Variants in CTBP2 observed in about 807,000 individuals in gnomAD.
CTBP2 encodes the protein C-terminal binding protein 2.
CTBP2 carries 30 observed loss-of-function variants against 80.3 expected under a neutral mutation model. That is an observed-to-expected ratio of 0.37 (90% confidence interval 0.28 to 0.51). The LOEUF (loss-of-function observed/expected upper bound fraction) is 0.51, where lower values mean the gene tolerates loss of function less well. Ranked by LOEUF, CTBP2 falls within the 20% of genes least tolerant of loss-of-function variation. The pLI is 0.93. For missense variants in CTBP2, 1,212 were observed against 1,375.3 expected (o/e 0.88, Z 1.88); for synonymous variants, 594 against 587.4 (o/e 1.01, Z -0.16).
chr10:124,993,069 C>T, intron 7 of CTBP2, 133 bp downstream of exon 9: 2 of 1,142,424 alleles, frequency 1.8e-6, no homozygotes, highest in Non-Finnish European at 2.4e-6. Context: ...ATAAACAGGG[C>T]CCAACTCATA....
intron 1 of CTBP2, chr10:125,025,986 G>GT: frequency 6.8e-7 from 1 of 1,462,106 alleles, no homozygotes; most frequent in Non-Finnish European, 9.2e-7. Flanking sequence ...GGCCTGGTGA[G>GT]TGAGGACTTG....
At chr10:125,135,619 A>G (rs1856856743) in intron 1 of CTBP2, among the ~76,000 whole-genome samples, 1 of 152,162 alleles carries the variant, frequency 6.6e-6, no homozygotes, top group Admixed American at 6.5e-5. Context: ...CCCAGCAGCT[A>G]GCCCTCCTCT....
intron 2 of CTBP2, among the ~76,000 whole-genome samples, chr10:125,068,211 C>T (rs1333522671): frequency 6.6e-6 from 1 of 152,188 alleles, no homozygotes; most frequent in East Asian, 1.9e-4. Flanking sequence ...TCCTGATCTG[C>T]GAAGGACACG....
intron 2 of CTBP2, among the ~76,000 whole-genome samples, chr10:125,081,944 T>C (rs1847234374): frequency 6.6e-6 from 1 of 151,620 alleles, no homozygotes; most frequent in Non-Finnish European, 1.5e-5. Flanking sequence ...ACCCTGTCTC[T>C]ACCCAGGCTC....
intron 1 of CTBP2, among the ~76,000 whole-genome samples, chr10:125,128,957 T>C (rs987787875): frequency 6.6e-6 from 1 of 152,224 alleles, no homozygotes; most frequent in African/African-American, 2.4e-5. Context: ...AGTGGAATAC[T>C]ACTCAGAAGT....
intron 2 of CTBP2, among the ~76,000 whole-genome samples, chr10:125,092,914 TGG>T (rs139587093): frequency 6.7e-6 from 1 of 149,826 alleles, no homozygotes; most frequent in Non-Finnish European, 1.5e-5. Context: ...CCTTCTAGAG[TGG>T]GGGGGGGCAG....
chr10:125,145,485 C>A (rs1435491696), intron 1 of CTBP2, among the ~76,000 whole-genome samples: 1 of 152,198 alleles, frequency 6.6e-6, no homozygotes, highest in South Asian at 2.1e-4. Context: ...TATCTGCTGT[C>A]CCTTGGGGCA....
intron 1 of CTBP2, chr10:125,006,145 C>A: frequency 2.0e-6 from 1 of 492,034 alleles, no homozygotes; most frequent in Non-Finnish European, 3.0e-6. Context: ...CTCTACCCTC[C>A]CTGATGGCCG....
chr10:125,033,378 C>T lies in CTBP2; in HGVS notation c.58+5619G>A, dbSNP rs142220482. On this transcript the variant is annotated intron_variant, in intron 3 of 10. Transcript: ENST00000337195. Reference sequence around the variant, plus strand: ...ACAGAGACAGAGGAACGCCCTCGAGCGCGCACGCCAAGGTGCCTGAGCTTT... The same window carrying T: ...ACAGAGACAGAGGAACGCCCTCGAGTGCGCACGCCAAGGTGCCTGAGCTTT... 4.4e-3 allele frequency among the ~76,000 whole-genome samples: 670 copies of T among 152,298 alleles called. 1 individual carries two copies. Among genetic ancestry groups the T allele is most frequent in the Admixed American group, 6.0e-3 (92 of 15,306 alleles).
intron 3 of CTBP2, chr10:125,000,575 G>A (rs1368252268): frequency 3.3e-5 from 5 of 152,260 alleles, no homozygotes; most frequent in African/African-American, 7.2e-5. Context: ...TTCCCGGCTC[G>A]TGGGGAGAAG....
intron 1 of CTBP2, among the ~76,000 whole-genome samples, chr10:125,123,143 G>A (rs891897351): frequency 4.6e-5 from 7 of 152,196 alleles, no homozygotes; most frequent in Admixed American, 2.0e-4. Flanking sequence ...GGTCAGCTGT[G>A]TCTACCCATG....
At chr10:125,154,612 C>T (rs141014115) in intron 1 of CTBP2, among the ~76,000 whole-genome samples, 2 of 151,832 alleles carry the variant, frequency 1.3e-5, no homozygotes, top group Non-Finnish European at 2.9e-5. Flanking sequence ...TAGGCATATA[C>T]ACATGCAAAC....
rs1026419650 is a variant in CTBP2, at chr10:124,987,881, AAAG to A, written c.*1634_*1636del. On this transcript the variant is annotated 3_prime_UTR_variant, in exon 9 of 9. Transcript: ENST00000309035. Reference sequence around the variant, plus strand: ...AGTATAAAGGTTTAATTCTATTTAAAAAGAAGATCCATTAAATCAAGCTCTTAA... The same window carrying A: ...AGTATAAAGGTTTAATTCTATTTAAAAAGATCCATTAAATCAAGCTCTTAA... 2.6e-5 allele frequency: 4 copies of A among 152,402 alleles called. No individual in the cohort carries two copies. The highest frequency in any genetic ancestry group is 3.8e-4 in the East Asian group (2 of 5,196). The allele number at this position is 152,402 out of a possible 1,614,324, so 9.4% of individuals were successfully genotyped here.
chr10:125,151,639 G>A (rs930330367), intron 1 of CTBP2, among the ~76,000 whole-genome samples: 1 of 152,208 alleles, frequency 6.6e-6, no homozygotes, highest in East Asian at 1.9e-4. Flanking sequence ...GAGTCCCCAT[G>A]AGTGCCCGGA....
intron 1 of CTBP2, among the ~76,000 whole-genome samples, chr10:125,116,136 C>G (rs547854514): frequency 6.6e-6 from 1 of 152,270 alleles, no homozygotes; most frequent in African/African-American, 2.4e-5. Flanking sequence ...GGAGGGGCCA[C>G]CGACTCCAGG....
At chr10:125,154,642 G>A (rs754952350) in intron 1 of CTBP2, among the ~76,000 whole-genome samples, 20 of 82,772 alleles carry the variant, frequency 2.4e-4, no homozygotes, top group Admixed American at 6.7e-4. Flanking sequence ...TTCTCACCGA[G>A]TGTCGTTGCT....
chr10:125,147,176 A>G (rs1226338630), intron 1 of CTBP2, among the ~76,000 whole-genome samples: 1 of 152,192 alleles, frequency 6.6e-6, no homozygotes, highest in African/African-American at 2.4e-5. Context: ...CTTTTCCTCA[A>G]CAAATATGCT....
chr10:125,066,698 G>T lies in CTBP2; in HGVS notation c.-101-27543C>A, dbSNP rs1261123693. Among the ~76,000 whole-genome samples the T allele has an allele frequency of 1.3e-5, 2 of 152,160 alleles. No individual in the cohort carries two copies. Among genetic ancestry groups the T allele is most frequent in the African/African-American group, 4.8e-5 (2 of 41,426 alleles). On this transcript the variant is annotated intron_variant, in intron 2 of 10. Coordinates refer to the CTBP2 transcript ENST00000337195. This position sits in a 1 kb window ranked among gnomAD's most constrained non-coding sequence, Gnocchi z 4.1. ...GTCCTGCCACTGACTCGTGAGCTGTGTGACTCTGGGTACATCACCTGAGCC... is the reference window on the plus strand; with the variant it reads ...GTCCTGCCACTGACTCGTGAGCTGTTTGACTCTGGGTACATCACCTGAGCC...
intron 1 of CTBP2, among the ~76,000 whole-genome samples, chr10:125,117,179 T>C (rs1853473901): frequency 6.6e-6 from 1 of 151,656 alleles, no homozygotes; most frequent in South Asian, 2.1e-4. Context: ...CTCTCTTCAG[T>C]TGCAGTGAGG....
Sources: allele counts gnomAD v4.1 joint callset (sites outside exome capture counted in the v4.1 genomes callset), GRCh38; gene constraint gnomAD v4.1.1; non-coding constraint Gnocchi (gnomAD v3.1); transcripts MANE v1.5; gene names NCBI Gene and HGNC (gene_info 2026-07-23, HGNC 2026-07-21).